Variants in ROBO1 observed in about 807,000 individuals in gnomAD.
ROBO1 encodes the protein roundabout guidance receptor 1, also known as roundabout homolog 1.
A neutral mutation model predicts 195.9 loss-of-function variants in ROBO1; 149 were observed. The observed-to-expected ratio is 0.76, with a 90% CI of 0.67 to 0.87. The LOEUF (loss-of-function observed/expected upper bound fraction) is 0.87. Among genes scored for constraint, ROBO1 ranks in the 40% least tolerant of loss-of-function variants. ROBO1 has a pLI of 0.00. For synonymous variants in ROBO1, 816 were observed against 733.2 expected (o/e 1.11, Z -1.82); for missense variants, 1,933 against 2,068.3 (o/e 0.93, Z 1.27).
intron 2 of ROBO1, among the ~76,000 whole-genome samples, chr3:79,282,728 G>T (rs1050939474): frequency 1.8e-4 from 27 of 152,126 alleles, no homozygotes; most frequent in African/African-American, 6.0e-4. Context: ...GGATATGGCT[G>T]GCAGGAAAGG....
Position 78,723,511 on chromosome 3 carries a change from T to A in ROBO1, c.658-5628A>T, listed in dbSNP as rs545956647. 1.7e-3 allele frequency among the ~76,000 whole-genome samples: 266 copies of A among 152,286 alleles called. 2 individuals carry two copies. The highest frequency in any genetic ancestry group is 6.2e-3 in the African/African-American group (257 of 41,568). ...TATTTGCATTGACACAGCATAAGAC[T>A]TAGAAACAAGTAAATTTTAGGCTTT... On this transcript the variant is annotated intron_variant, in intron 5 of 30. Coordinates refer to ENST00000464233, the MANE Select transcript of ROBO1 (RefSeq NM_002941.4).
At chr3:79,288,741 A>C (rs2032049220) in intron 2 of ROBO1, among the ~76,000 whole-genome samples, 2 of 152,132 alleles carry the variant, frequency 1.3e-5, no homozygotes, top group Non-Finnish European at 2.9e-5. Context: ...TATTGTTAAC[A>C]CTGAGTATTT....
intron 2 of ROBO1, among the ~76,000 whole-genome samples, chr3:79,199,074 G>T (rs1048992335): frequency 8.6e-5 from 13 of 151,900 alleles, no homozygotes; most frequent in South Asian, 4.1e-4. Flanking sequence ...TGTTGAACAG[G>T]AGTGGTGAGA....
At chr3:79,419,677 G>A (rs899004526) in intron 2 of ROBO1, among the ~76,000 whole-genome samples, 1 of 152,084 alleles carries the variant, frequency 6.6e-6, no homozygotes, top group Non-Finnish European at 1.5e-5. Context: ...CCCTCAAAAA[G>A]TAATTTGAAA....
chr3:79,741,283 C>A (rs1995401), intron 1 of ROBO1, among the ~76,000 whole-genome samples: 3 of 151,938 alleles, frequency 2.0e-5, no homozygotes, highest in Non-Finnish European at 4.4e-5. Flanking sequence ...TTCCCTTATG[C>A]TACTGGTAAA....
chr3:79,491,437 C>T (rs982681421), intron 2 of ROBO1, among the ~76,000 whole-genome samples: 2 of 152,058 alleles, frequency 1.3e-5, no homozygotes, highest in African/African-American at 4.8e-5. Flanking sequence ...CAGATGCTAA[C>T]AAATGGGGGA....
At chr3:79,562,626 A>T (rs1174951831) in intron 2 of ROBO1, among the ~76,000 whole-genome samples, 2 of 152,060 alleles carry the variant, frequency 1.3e-5, no homozygotes, top group Admixed American at 1.3e-4. Flanking sequence ...TATTCAATTC[A>T]TACTCAGTTT....
chr3:79,091,073 T>C (rs2079471880), intron 3 of ROBO1, among the ~76,000 whole-genome samples: 1 of 152,188 alleles, frequency 6.6e-6, no homozygotes, highest in Admixed American at 6.6e-5. Context: ...GGTCTTCAGA[T>C]TTCGAGTACA....
chr3:78,605,607 A>G (rs983923797), intron 29 of ROBO1, among the ~76,000 whole-genome samples: 2 of 152,022 alleles, frequency 1.3e-5, no homozygotes, highest in Non-Finnish European at 1.5e-5. Context: ...TCTAAAATCC[A>G]CTCTGTCCTC....
intron 1 of ROBO1, among the ~76,000 whole-genome samples, chr3:79,733,039 T>C (rs929457428): frequency 6.6e-6 from 1 of 152,202 alleles, no homozygotes; most frequent in Non-Finnish European, 1.5e-5. Flanking sequence ...AACCAAAGAT[T>C]TCCTATTCTA....
chr3:79,483,353 T>C (rs1938970219), intron 2 of ROBO1, among the ~76,000 whole-genome samples: 1 of 152,228 alleles, frequency 6.6e-6, no homozygotes, highest in Non-Finnish European at 1.5e-5. Flanking sequence ...GGGCTCAAAG[T>C]GAGTTTTCAG....
intron 4 of ROBO1, among the ~76,000 whole-genome samples, chr3:78,912,286 A>G (rs2038290618): frequency 6.6e-6 from 1 of 152,106 alleles, no homozygotes; most frequent in African/African-American, 2.4e-5. Flanking sequence ...TAACATCAAT[A>G]TATGTTTTAA....
intron 1 of ROBO1, among the ~76,000 whole-genome samples, chr3:79,638,015 T>A (rs1346051383): frequency 6.6e-6 from 1 of 152,186 alleles, no homozygotes; most frequent in African/African-American, 2.4e-5. Flanking sequence ...GAAATTACCC[T>A]TAGTTGAACA....
At position 79,135,777 on chromosome 3, in the gene ROBO1, G is replaced by A. The variant is rs371019350; in HGVS notation, c.89-10238C>T. ...CTCAGCCTCCTGAGTAGCTGGGACT[G>A]CAGGCATGTGGCACCACGCCCGGCT... On this transcript the variant is annotated intron_variant, in intron 2 of 30. Coordinates refer to ENST00000464233, the MANE Select transcript of ROBO1 (RefSeq NM_002941.4). Among the ~76,000 whole-genome samples, 700 of 152,004 alleles carry A rather than the reference G, an allele frequency of 4.6e-3. 6 individuals are homozygous for A. The highest frequency in any genetic ancestry group is 0.016 in the African/African-American group (673 of 41,498).
At chr3:79,243,314 A>G (rs1399170921) in intron 2 of ROBO1, among the ~76,000 whole-genome samples, 1 of 152,098 alleles carries the variant, frequency 6.6e-6, no homozygotes, top group East Asian at 1.9e-4. Context: ...GTGTCTTTAT[A>G]GCAGCATGAT....
At chr3:78,884,154 G>T (rs556595539) in intron 4 of ROBO1, among the ~76,000 whole-genome samples, 206 of 152,212 alleles carry the variant, frequency 1.4e-3, no homozygotes, top group African/African-American at 4.8e-3. Context: ...GCCAAGCAAA[G>T]GAACATGAAT....
chr3:78,969,332 T>C (rs2107899048), intron 3 of ROBO1, among the ~76,000 whole-genome samples: 1 of 152,322 alleles, frequency 6.6e-6, no homozygotes, highest in South Asian at 2.1e-4. Context: ...AAGGTGAATG[T>C]GGTAGAAGAC....
chr3:79,248,941 A>T (rs374781894), intron 2 of ROBO1, among the ~76,000 whole-genome samples: 1 of 152,132 alleles, frequency 6.6e-6, no homozygotes, highest in East Asian at 1.9e-4. Flanking sequence ...GGGGAAAGAA[A>T]GGGTTCGGTT....
intron 3 of ROBO1, among the ~76,000 whole-genome samples, chr3:79,113,931 A>G (rs2079941353): frequency 6.6e-6 from 1 of 152,156 alleles, no homozygotes; most frequent in South Asian, 2.1e-4. Flanking sequence ...CTCACCTTCA[A>G]TTGCAATAAT....
Sources: gnomAD v4.1 joint callset for allele counts (sites outside exome capture counted in the v4.1 genomes callset) on GRCh38, gnomAD v4.1.1 for gene constraint, MANE v1.5 for transcripts, NCBI Gene and HGNC (gene_info 2026-07-23, HGNC 2026-07-21) for gene names.